DMD: variants seen among roughly 807,000 people sequenced by gnomAD.
DMD encodes the protein mutant dystrophin.
Under a neutral mutation model 330.1 loss-of-function variants are expected in DMD, and 63 were observed. The ratio of observed to expected loss-of-function variants is 0.19; its 90% CI spans 0.16 to 0.24. The LOEUF (loss-of-function observed/expected upper bound fraction) is 0.24. DMD is among the 10% of genes least tolerant of loss of function. DMD has a pLI of 1.00. For synonymous variants in DMD, 1,223 were observed against 959.8 expected (o/e 1.27, Z -5.07); for missense variants, 3,344 against 2,684.1 (o/e 1.25, Z -5.43).
intron 1 of DMD, among the ~76,000 whole-genome samples, chrX:33,046,191 G>T (rs1257483775): frequency 9.0e-6 from 1 of 111,421 alleles, no homozygotes; most frequent in Non-Finnish European, 1.9e-5. Context: ...GTGACCGGTA[G>T]ACCTGAAAAG....
rs367968678 is a variant in DMD at position 33,187,743 on chromosome X, T to C, written c.31+23539A>G. Among the ~76,000 whole-genome samples the C allele has an allele frequency of 3.6e-4, 40 of 111,990 alleles. 1 individual carries two copies. In the South Asian group the frequency reaches 5.6e-3, roughly 16 times the overall value. ...TTTGACTTAATTCCCTGGTTTTCTC[T>C]AATACTGTTTGTTGTTGTTGTTTTC... On this transcript the variant is annotated intron_variant, in intron 1 of 78. Transcript: ENST00000357033.
chrX:32,504,434 G>A (rs1281716577), intron 18 of DMD, among the ~76,000 whole-genome samples: 3 of 110,504 alleles, frequency 2.7e-5, no homozygotes, highest in Non-Finnish European at 5.7e-5. Flanking sequence ...GACCAGCCTG[G>A]CCAACATGGT....
Position 32,883,114 on chromosome X carries a change from T to C in DMD, c.94-33294A>G, listed in dbSNP as rs1437069531. 3.6e-5 allele frequency among the ~76,000 whole-genome samples: 4 copies of C among 111,820 alleles called. No individual in the cohort carries two copies. In the East Asian group the frequency reaches 1.1e-3, roughly 32 times the overall value. On this transcript the variant is annotated intron_variant, in intron 2 of 78. Coordinates refer to ENST00000357033, the MANE Select transcript of DMD (RefSeq NM_004006.3). ...GTCCTAACTTAAGCATGTAAATTAA[T>C]TGCATCTCATAATGTCAGCCAATCC...
intron 43 of DMD, among the ~76,000 whole-genome samples, chrX:32,239,297 T>A (rs1455608178): frequency 1.8e-5 from 2 of 112,270 alleles, no homozygotes. Flanking sequence ...CTTTATGAGA[T>A]ATTTCTTCAA....
intron 55 of DMD, among the ~76,000 whole-genome samples, chrX:31,526,137 C>T (rs774286079): frequency 1.4e-4 from 16 of 112,265 alleles, no homozygotes; most frequent in African/African-American, 4.5e-4. Flanking sequence ...GTTTTAAATG[C>T]GGAAGAGAAA....
intron 53 of DMD, among the ~76,000 whole-genome samples, chrX:31,663,781 C>T (rs1435872765): frequency 9.0e-6 from 1 of 110,924 alleles, no homozygotes; most frequent in Non-Finnish European, 1.9e-5. Flanking sequence ...CATCTTTAAA[C>T]AACAACAACA....
chrX:31,654,804 C>G (rs181367681), intron 54 of DMD, among the ~76,000 whole-genome samples: 1 of 110,904 alleles, frequency 9.0e-6, no homozygotes, highest in Admixed American at 9.6e-5. Context: ...AGTCAACTAA[C>G]GGGTACCAGG....
intron 42 of DMD, among the ~76,000 whole-genome samples, chrX:32,301,599 T>G (rs972519237): frequency 9.0e-6 from 1 of 111,262 alleles, no homozygotes; most frequent in Non-Finnish European, 1.9e-5. Flanking sequence ...AATATGTTCA[T>G]GGTTACAAAT....
chrX:33,182,059 T>C (rs1219507342), intron 1 of DMD, among the ~76,000 whole-genome samples: 1 of 111,973 alleles, frequency 8.9e-6, no homozygotes, highest in Admixed American at 9.5e-5. Flanking sequence ...AGCCACTGAT[T>C]ACTGTGGAAA....
chrX:32,050,052 G>A (rs1028002734), intron 44 of DMD, among the ~76,000 whole-genome samples: 5 of 111,403 alleles, frequency 4.5e-5, no homozygotes, highest in Non-Finnish European at 7.6e-5. Flanking sequence ...TTTAATAAAC[G>A]TATTTTGGTA....
At chrX:32,486,489 G>C (rs893460738) in intron 20 of DMD, among the ~76,000 whole-genome samples, 40 of 110,615 alleles carry the variant, frequency 3.6e-4, no homozygotes, top group Non-Finnish European at 7.4e-4. Context: ...TCACAGAATT[G>C]GAAAAAACTA....
chrX:31,387,899 CTCTAGCGTCT>C (rs1410382549), intron 60 of DMD, among the ~76,000 whole-genome samples: 4 of 111,432 alleles, frequency 3.6e-5, no homozygotes, highest in Non-Finnish European at 3.8e-5. Flanking sequence ...ATGAACAACT[CTCTAGCGTCT>C]TCCTTGCTTT....
chrX:32,728,163 A>G (rs1279504759), intron 7 of DMD, among the ~76,000 whole-genome samples: 1 of 111,225 alleles, frequency 9.0e-6, no homozygotes, highest in African/African-American at 3.3e-5. Context: ...CACTGCTTGT[A>G]CTAAAACTTG....
At chrX:31,711,288 G>A (rs2036185593) in intron 52 of DMD, among the ~76,000 whole-genome samples, 2 of 110,705 alleles carry the variant, frequency 1.8e-5, no homozygotes, top group African/African-American at 6.6e-5. Context: ...GCTAAAAGAT[G>A]GTTTTCTCTT....
intron 44 of DMD, among the ~76,000 whole-genome samples, chrX:32,127,601 C>G (rs2096668017): frequency 1.8e-5 from 2 of 111,604 alleles, no homozygotes; most frequent in Non-Finnish European, 3.8e-5. Flanking sequence ...GATCTCAGCT[C>G]TCCCCTAATT....
At chrX:31,134,911 G>A (rs2035011667) in intron 76 of DMD, among the ~76,000 whole-genome samples, 1 of 111,483 alleles carries the variant, frequency 9.0e-6, no homozygotes, top group Non-Finnish European at 1.9e-5. Flanking sequence ...AAACAGGCTG[G>A]GTGCGGTCGC....
chrX:32,242,875 GT>G (rs889661226), intron 43 of DMD, among the ~76,000 whole-genome samples: 2 of 108,645 alleles, frequency 1.8e-5, no homozygotes, highest in South Asian at 4.0e-4. Flanking sequence ...GTTATTGTTA[GT>G]TTTTTTGTGG....
intron 1 of DMD, among the ~76,000 whole-genome samples, chrX:33,324,932 T>C (rs899863371): frequency 9.0e-6 from 1 of 111,687 alleles, no homozygotes; most frequent in Non-Finnish European, 1.9e-5. Context: ...TGCCGTTTTA[T>C]ATTAAAGGTC....
chrX:32,202,623 T>C (rs1053964105), intron 44 of DMD, among the ~76,000 whole-genome samples: 3 of 112,294 alleles, frequency 2.7e-5, no homozygotes, highest in African/African-American at 9.7e-5. Flanking sequence ...GTGCTGGGAT[T>C]ACAGGCGTGA....
Sources: gnomAD v4.1 joint callset for allele counts (sites outside exome capture counted in the v4.1 genomes callset) on GRCh38, gnomAD v4.1.1 for gene constraint, MANE v1.5 for transcripts, NCBI Gene and HGNC (gene_info 2026-07-23, HGNC 2026-07-21) for gene names.